AGO2: variants seen among roughly 807,000 people sequenced by gnomAD.
AGO2 encodes argonaute RISC catalytic component 2, also known as protein argonaute-2.
In AGO2, 5 loss-of-function variants were observed where a neutral mutation model predicts 102.3. The ratio of observed to expected loss-of-function variants is 0.05; its 90% CI spans 0.03 to 0.10. The LOEUF is 0.10. Among genes scored for constraint, AGO2 ranks in the 10% least tolerant of loss-of-function variants. The pLI is 1.00. For missense variants in AGO2, 541 were observed against 1,183.7 expected (o/e 0.46, Z 7.97); for synonymous variants, 449 against 473.1 (o/e 0.95, Z 0.66).
chr8:140,614,015 C>CAAAAAAAAAAAAAAAAAAAAAA lies in AGO2; in HGVS notation c.22+21448_22+21469dup, dbSNP rs59000809. ...TGGGCAACAGAGCAAGACCCTGTCT[C>CAAAAAAAAAAAAAAAAAAAAAA]AAAAAAAAAAAAAAAAAAAAAAAAA... On this transcript the variant is annotated intron_variant, in intron 1 of 18. Coordinates refer to ENST00000220592, the MANE Select transcript of AGO2 (RefSeq NM_012154.5). 3.5e-5 allele frequency among the ~76,000 whole-genome samples: 2 copies of CAAAAAAAAAAAAAAAAAAAAAA among 57,650 alleles called. 1 individual carries two copies. The highest frequency in any genetic ancestry group is 6.1e-5 in the Non-Finnish European group (2 of 32,746). 37.8% of individuals were successfully genotyped at this position (57,650 alleles called of 152,430 possible). A position where few individuals can be genotyped will look rare whatever the true frequency, so the allele number is the denominator to read the frequency against.
At chr8:140,601,746 C>T (rs1390761277) in intron 1 of AGO2, among the ~76,000 whole-genome samples, 2 of 152,236 alleles carry the variant, frequency 1.3e-5, no homozygotes, top group African/African-American at 4.8e-5. Context: ...ATACCTAAAA[C>T]AAACACTATG....
At chr8:140,614,560 C>T (rs1036467047) in intron 1 of AGO2, among the ~76,000 whole-genome samples, 1 of 152,236 alleles carries the variant, frequency 6.6e-6, no homozygotes, top group Non-Finnish European at 1.5e-5. Flanking sequence ...AGCTACTCTC[C>T]TCATGTCTTC....
chr8:140,586,257 C>T (rs1040226044), intron 1 of AGO2, among the ~76,000 whole-genome samples: 11 of 152,192 alleles, frequency 7.2e-5, no homozygotes, highest in African/African-American at 2.7e-4. Flanking sequence ...CTTTGGGAGG[C>T]TGAGGCGGGT....
chr8:140,556,402 C>T (rs1220077501), intron 8 of AGO2, 116 bp from the exon 9 acceptor site: 7 of 1,363,234 alleles, frequency 5.1e-6, no homozygotes, highest in African/African-American at 1.4e-5. Flanking sequence ...CTGCCTCATC[C>T]CTGGGCTATG....
At chr8:140,596,514 C>G (rs940011986) in intron 1 of AGO2, among the ~76,000 whole-genome samples, 1 of 152,194 alleles carries the variant, frequency 6.6e-6, no homozygotes, top group Non-Finnish European at 1.5e-5. Context: ...ACCCTGGAGG[C>G]GGAGGTTGCA....
intron 3 of AGO2, among the ~76,000 whole-genome samples, chr8:140,568,547 C>G (rs2132965109): frequency 6.6e-6 from 1 of 152,278 alleles, no homozygotes; most frequent in East Asian, 1.9e-4. Context: ...ACCCGCTATG[C>G]CTGCCGAGCC....
At chr8:140,583,985 G>A (rs1257440201) in intron 2 of AGO2, among the ~76,000 whole-genome samples, 1 of 152,194 alleles carries the variant, frequency 6.6e-6, no homozygotes, top group South Asian at 2.1e-4. Context: ...TGGTATATGT[G>A]TCTGTCACTG....
rs1400498274 is a variant in AGO2, at chr8:140,635,599, A to G, written c.-93T>C. 3.4e-6 allele frequency: 3 copies of G among 882,924 alleles called. No individual in the cohort carries two copies. The highest frequency in any genetic ancestry group is 4.1e-6 in the Non-Finnish European group (3 of 740,184). 54.7% of individuals were successfully genotyped at this position (882,924 alleles called of 1,614,324 possible). A position where few individuals can be genotyped will look rare whatever the true frequency, so the allele number is the denominator to read the frequency against. ...GAGCCGCGAGGGAGCCGCCGGCCGC[A>G]CGATCCGCCCCGGCGCGGCCGCCTC... On this transcript the variant is annotated 5_prime_UTR_variant, in exon 1 of 19. Transcript: ENST00000220592.
chr8:140,587,920 T>C (rs2073683167), intron 1 of AGO2, among the ~76,000 whole-genome samples: 1 of 152,156 alleles, frequency 6.6e-6, no homozygotes, highest in Non-Finnish European at 1.5e-5. Flanking sequence ...TGGCTCCCAC[T>C]GCCTGTCCAA....
intron 1 of AGO2, chr8:140,626,807 A>AT (rs1197309147): frequency 6.6e-6 from 1 of 152,184 alleles, no homozygotes; most frequent in African/African-American, 2.4e-5. Context: ...CTTTCTCTGC[A>AT]TTTTTTACCC....
rs1285375898 is a variant in AGO2, at chr8:140,539,373, C to T, written c.2116G>A (p.Val706Met). The T allele has an allele frequency of 3.1e-6, 5 of 1,614,032 alleles. No individual in the cohort carries two copies. Among genetic ancestry groups the T allele is most frequent in the East Asian group, 2.2e-5 (1 of 44,880 alleles). Residue 706 changes from valine (V) to methionine (M), a missense_variant, in exon 16 of 19, where the codon GTG (valine) becomes ATG (methionine). By Grantham distance (21) the Val-to-Met change is conservative. Coordinates refer to ENST00000220592, the MANE Select transcript of AGO2 (RefSeq NM_012154.5). This position sits in a 1 kb window ranked among gnomAD's most constrained non-coding sequence, Gnocchi z 4.7. ...CGGGTGTGGTGCCTCTTCTGCACCA[C>T]GATGAAGGTGATCCCGGGCTGGTAG... ...KDYQPGITFI[V>M]VQKRHHTRLF...
At chr8:140,581,519 TAA>T (rs1026243050) in intron 2 of AGO2, among the ~76,000 whole-genome samples, 2 of 144,326 alleles carry the variant, frequency 1.4e-5, no homozygotes, top group African/African-American at 2.5e-5. Context: ...ATCCTGTCTC[TAA>T]AAAAAAAAAG....
chr8:140,617,264 C>T (rs910361754), intron 1 of AGO2, among the ~76,000 whole-genome samples: 5 of 148,438 alleles, frequency 3.4e-5, no homozygotes, highest in East Asian at 2.0e-4. Flanking sequence ...AAGCACCACT[C>T]TTTTTTTTTT....
chr8:140,635,832 G>A (rs1192610374), upstream of AGO2, among the ~76,000 whole-genome samples: 21 of 145,022 alleles, frequency 1.4e-4, no homozygotes, highest in South Asian at 4.2e-4. Flanking sequence ...GGGGCCTGGG[G>A]CGGGGACCCG....
chr8:140,529,645 C>A lies in AGO2; in HGVS notation c.*2399G>T, dbSNP rs2072556762. 6.6e-6 allele frequency: 1 copy of A among 152,196 alleles called. No homozygotes were observed. The highest frequency in any genetic ancestry group is 2.4e-5 in the African/African-American group (1 of 41,438). 9.4% of individuals were successfully genotyped at this position (152,196 alleles called of 1,614,324 possible). ...TTCTGCCAGCCCAGTCTGTCTCAGGCATCTGCTCAGGAAGCACCTCCTCCC... is the reference window on the plus strand; with the variant it reads ...TTCTGCCAGCCCAGTCTGTCTCAGGAATCTGCTCAGGAAGCACCTCCTCCC... On this transcript the variant is annotated 3_prime_UTR_variant, in exon 19 of 19. Transcript: ENST00000220592.
chr8:140,601,479 C>T (rs565747126), intron 1 of AGO2, among the ~76,000 whole-genome samples: 1 of 152,378 alleles, frequency 6.6e-6, no homozygotes, highest in East Asian at 1.9e-4. Flanking sequence ...CCCCCCTGGT[C>T]TACCCCAGGG....
chr8:140,546,084 A>G (rs2072894957), intron 13 of AGO2, among the ~76,000 whole-genome samples: 1 of 152,184 alleles, frequency 6.6e-6, no homozygotes, highest in Non-Finnish European at 1.5e-5. Context: ...TGCACACAGT[A>G]GGTACTCAAT....
At chr8:140,638,626 G>A (rs2074424482), upstream of AGO2, among the ~76,000 whole-genome samples, 1 of 152,240 alleles carries the variant, frequency 6.6e-6, no homozygotes, top group African/African-American at 2.4e-5. Flanking sequence ...CAAAGTGAAA[G>A]TGTAGTGGCG....
chr8:140,603,871 A>C (rs919823217), intron 1 of AGO2, among the ~76,000 whole-genome samples: 1 of 152,232 alleles, frequency 6.6e-6, no homozygotes, highest in Non-Finnish European at 1.5e-5. Context: ...GGCAAATGGC[A>C]CAGGCATGAC....
Sources: allele counts gnomAD v4.1 joint callset (sites outside exome capture counted in the v4.1 genomes callset), GRCh38; gene constraint gnomAD v4.1.1; non-coding constraint Gnocchi (gnomAD v3.1); transcripts MANE v1.5; gene names NCBI Gene and HGNC (gene_info 2026-07-23, HGNC 2026-07-21).